Variants in YWHAE observed in about 807,000 individuals in gnomAD.
YWHAE encodes the protein tyrosine 3-monooxygenase/tryptophan 5-monooxygenase activation protein epsilon.
In YWHAE, 4 loss-of-function variants were observed where a neutral mutation model predicts 30.1. That is an observed-to-expected ratio of 0.13 (90% CI 0.07 to 0.30). YWHAE has a LOEUF of 0.30. YWHAE is among the 10% of genes least tolerant of loss of function. The pLI, the probability that YWHAE is intolerant of heterozygous loss-of-function variation, is 1.00. For missense variants in YWHAE, 121 were observed against 315.9 expected (o/e 0.38, Z 4.68); for synonymous variants, 118 against 111.8 (o/e 1.06, Z -0.35).
At chr17:1,359,447 C>A (rs2072817149) in intron 4 of YWHAE, among the ~76,000 whole-genome samples, 1 of 152,194 alleles carries the variant, frequency 6.6e-6, no homozygotes, top group Admixed American at 6.5e-5. Context: ...TGGAAACCCA[C>A]TGACCACCAA....
chr17:1,386,239 G>C (rs548635050), intron 1 of YWHAE, among the ~76,000 whole-genome samples: 1 of 152,304 alleles, frequency 6.6e-6, no homozygotes, highest in South Asian at 2.1e-4. Context: ...TACACCAGTA[G>C]TCAGTGAAGA....
At chr17:1,397,165 C>T (rs1300237509) in intron 1 of YWHAE, among the ~76,000 whole-genome samples, 2 of 152,232 alleles carry the variant, frequency 1.3e-5, no homozygotes, top group African/African-American at 2.4e-5. Flanking sequence ...TCCCAAGGTG[C>T]TGGGATTACA....
Position 1,365,116 on chromosome 17 carries a change from C to A in YWHAE, c.65-58G>T. ...AATTTGAAGTTTTCTTAACATATTC[C>A]TTTCAAAGTAGTTTTTTTCTGTCAA... On this transcript the variant is annotated intron_variant, in intron 1 of 5. Coordinates refer to ENST00000264335, the MANE Select transcript of YWHAE (RefSeq NM_006761.5). The A allele has an allele frequency of 2.0e-6, 3 of 1,534,194 alleles. No homozygotes were observed. The South Asian group carries it at 3.6e-5, about 19-fold the overall frequency.
chr17:1,389,138 T>C (rs559926093), intron 1 of YWHAE, among the ~76,000 whole-genome samples: 1 of 152,172 alleles, frequency 6.6e-6, no homozygotes, highest in South Asian at 2.1e-4. Flanking sequence ...GCTAATTCTG[T>C]TTCTTTTTGT....
intron 4 of YWHAE, among the ~76,000 whole-genome samples, chr17:1,354,567 A>G (rs1012065617): frequency 1.4e-4 from 22 of 152,358 alleles, no homozygotes; most frequent in African/African-American, 5.3e-4. Context: ...TAATATACAT[A>G]TCGACTAATA....
chr17:1,389,719 A>T (rs1259061269), intron 1 of YWHAE, among the ~76,000 whole-genome samples: 1 of 150,704 alleles, frequency 6.6e-6, no homozygotes, highest in Non-Finnish European at 1.5e-5. Flanking sequence ...TTTAGTAGAG[A>T]CAGGGTTTCA....
At chr17:1,376,642 C>A (rs1490913451) in intron 1 of YWHAE, among the ~76,000 whole-genome samples, 1 of 152,140 alleles carries the variant, frequency 6.6e-6, no homozygotes, top group East Asian at 1.9e-4. Context: ...ACATCAACAT[C>A]CCAGTAAACC....
intron 4 of YWHAE, among the ~76,000 whole-genome samples, chr17:1,355,148 A>AAAAAAAAAAAAAAAAT (rs1555639303): frequency 1.3e-5 from 1 of 76,794 alleles, no homozygotes; most frequent in Non-Finnish European, 2.7e-5. Context: ...AAAAAAAAAA[A>AAAAAAAAAAAAAAAAT]TTTTTTTTTT....
rs201799042 is a variant in YWHAE at position 1,353,451 on chromosome 17, G to GAA, written c.715+758_715+759dup. Among the ~76,000 whole-genome samples the GAA allele has an allele frequency of 2.5e-3, 283 of 113,420 alleles. 8 individuals carry two copies. The highest frequency in any genetic ancestry group is 8.9e-3 in the African/African-American group (268 of 30,112). The allele number at this position is 113,420 out of a possible 152,430, so 74.4% of individuals were successfully genotyped here. Reference sequence around the variant, plus strand: ...AGACTCCATCTCAAAAAAAAAAAAAGAAAAGAAAAGAAAAGAAAAGAATAA... The same window carrying GAA: ...AGACTCCATCTCAAAAAAAAAAAAAGAAAAAAGAAAAGAAAAGAAAAGAATAA... On this transcript the variant is annotated intron_variant, in intron 5 of 5. Transcript: ENST00000264335.
At chr17:1,388,107 T>TTTG (rs2073330759) in intron 1 of YWHAE, among the ~76,000 whole-genome samples, 1 of 46,524 alleles carries the variant, frequency 2.1e-5, no homozygotes, top group Non-Finnish European at 3.5e-5. Context: ...TTTTGTTTTT[T>TTTG]TTTTTGGTTG....
chr17:1,349,222 T>TC (rs995589046), intron 5 of YWHAE, among the ~76,000 whole-genome samples: 1 of 151,140 alleles, frequency 6.6e-6, no homozygotes, highest in Non-Finnish European at 1.5e-5. Context: ...GCACCTGTAG[T>TC]CCCAGCAACT....
intron 1 of YWHAE, among the ~76,000 whole-genome samples, chr17:1,392,025 A>G (rs1356476159): frequency 2.6e-5 from 4 of 152,054 alleles, no homozygotes; most frequent in African/African-American, 9.7e-5. Flanking sequence ...CCTGGGCAAC[A>G]TGGTAAAATC....
At chr17:1,374,187 G>A (rs987674496) in intron 1 of YWHAE, among the ~76,000 whole-genome samples, 2 of 151,930 alleles carry the variant, frequency 1.3e-5, no homozygotes, top group Non-Finnish European at 2.9e-5. Context: ...ATGTCTAGGC[G>A]AATGTCTGTA....
intron 1 of YWHAE, among the ~76,000 whole-genome samples, chr17:1,393,475 G>C (rs1294650759): frequency 6.6e-6 from 1 of 152,210 alleles, no homozygotes. Context: ...CTGTGGCCCA[G>C]ACTGGAGTGC....
intron 1 of YWHAE, among the ~76,000 whole-genome samples, chr17:1,396,532 T>C (rs1014960750): frequency 2.2e-4 from 34 of 152,184 alleles, no homozygotes; most frequent in Admixed American, 1.8e-3. Flanking sequence ...CCAATCTTGA[T>C]AGGGAAGAGA....
At chr17:1,374,141 C>T (rs576783857) in intron 1 of YWHAE, among the ~76,000 whole-genome samples, 2 of 152,108 alleles carry the variant, frequency 1.3e-5, no homozygotes, top group South Asian at 2.1e-4. Context: ...GGCAAAACCC[C>T]GTCTCTACTA....
rs139532375 is a variant in YWHAE, at chr17:1,400,151, G to C, written c.-41C>G. 4.3e-6 allele frequency: 7 copies of C among 1,611,160 alleles called. No individual in the cohort carries two copies. The East Asian group carries it at 1.1e-4, about 26-fold the overall frequency. On this transcript the variant is annotated 5_prime_UTR_variant, in exon 1 of 6. Coordinates refer to ENST00000264335, the MANE Select transcript of YWHAE (RefSeq NM_006761.5). ...GGCAGGGTCTGCGCGACGGATGGAA[G>C]CGGATAGTGTCTCCGACTCTCTCAG...
In YWHAE at chr17:1,344,539, T is replaced by C. The variant is rs1264158149; in HGVS notation, c.*908A>G. On this transcript the variant is annotated 3_prime_UTR_variant, in exon 6 of 6. Coordinates refer to ENST00000264335, the MANE Select transcript of YWHAE (RefSeq NM_006761.5). ...AAGTATAAAGGATGGAGGCGCGATA[T>C]TTGGCATTTTTAATTTAGGTTTGTT... 4.8e-6 allele frequency: 1 copy of C among 208,950 alleles called. No individual in the cohort carries two copies. The highest frequency in any genetic ancestry group is 9.8e-6 in the Non-Finnish European group (1 of 102,436). The allele number at this position is 208,950 out of a possible 1,614,324, so 12.9% of individuals were successfully genotyped here. A position where few individuals can be genotyped will look rare whatever the true frequency, so the allele number is the denominator to read the frequency against.
intron 1 of YWHAE, among the ~76,000 whole-genome samples, chr17:1,384,436 A>C (rs986276016): frequency 4.6e-5 from 7 of 151,618 alleles, no homozygotes; most frequent in South Asian, 2.1e-4. Flanking sequence ...TCACGCCTGT[A>C]ATCCCAGCAC....
Sources: allele counts gnomAD v4.1 joint callset (sites outside exome capture counted in the v4.1 genomes callset), GRCh38; gene constraint gnomAD v4.1.1; transcripts MANE v1.5; gene names NCBI Gene and HGNC (gene_info 2026-07-23, HGNC 2026-07-21).